The following SGIP1 variants were observed in gnomAD, a reference collection of about 807,000 sequenced individuals.
SGIP1 encodes the protein SH3GL interacting endocytic adaptor 1.
A neutral mutation model predicts 107.5 loss-of-function variants in SGIP1; 38 were observed. The ratio of observed to expected loss-of-function variants is 0.35; its 90% CI spans 0.27 to 0.46. The LOEUF (loss-of-function observed/expected upper bound fraction) is 0.46. Among genes scored for constraint, SGIP1 ranks in the 20% least tolerant of loss-of-function variants. The pLI, the probability that SGIP1 is intolerant of heterozygous loss-of-function variation, is 1.00. For missense variants in SGIP1, 929 were observed against 1,019.5 expected (o/e 0.91, Z 1.21); for synonymous variants, 365 against 366.1 (o/e 1.00, Z 0.03).
chr1:66,534,475 C>T (rs2147918921), intron 1 of SGIP1, 107 bp downstream of exon 1: 2 of 1,323,442 alleles, frequency 1.5e-6, no homozygotes, highest in Non-Finnish European at 2.2e-6. Flanking sequence ...AACCTGGTTG[C>T]CAATGTTTTG....
At chr1:66,587,724 G>A (rs1408457957) in intron 1 of SGIP1, among the ~76,000 whole-genome samples, 2 of 151,980 alleles carry the variant, frequency 1.3e-5, no homozygotes, top group Non-Finnish European at 2.9e-5. Flanking sequence ...TCTGATAGTG[G>A]AACAAAGATC....
intron 18 of SGIP1, among the ~76,000 whole-genome samples, chr1:66,712,887 C>T (rs927506145): frequency 1.3e-5 from 2 of 152,180 alleles, no homozygotes; most frequent in African/African-American, 4.8e-5. Context: ...TGCCCTCTTC[C>T]ATTCCTCAGA....
At chr1:66,577,756 C>CTGTGTG (rs6143251) in intron 1 of SGIP1, among the ~76,000 whole-genome samples, 8,432 of 144,896 alleles carry the variant, frequency 0.058, 239 homozygotes, top group Middle Eastern at 0.071. Context: ...TAATGCAGTC[C>CTGTGTG]TGTGTGTGTG....
chr1:66,627,639 T>C (rs942383155), intron 2 of SGIP1, among the ~76,000 whole-genome samples: 2 of 152,218 alleles, frequency 1.3e-5, no homozygotes, highest in Non-Finnish European at 2.9e-5. Context: ...TTTGTAACTA[T>C]TTATTTCAAG....
intron 1 of SGIP1, among the ~76,000 whole-genome samples, chr1:66,598,029 T>A (rs2065050970): frequency 6.6e-6 from 1 of 151,986 alleles, no homozygotes. Context: ...TGGAGAAAAA[T>A]GAGTTCTCCT....
chr1:66,629,590 G>C (rs887758276), intron 2 of SGIP1, among the ~76,000 whole-genome samples: 3 of 151,922 alleles, frequency 2.0e-5, no homozygotes, highest in African/African-American at 7.3e-5. Flanking sequence ...AAAAAAGACA[G>C]TAGTTACAAA....
At chr1:66,660,674 A>C in intron 8 of SGIP1, 150 bp downstream of exon 8, 2 of 768,478 alleles carry the variant, frequency 2.6e-6, no homozygotes, top group Non-Finnish European at 4.4e-6. Flanking sequence ...ACCAGGTCTC[A>C]TTATGCCACA....
At chr1:66,552,349 G>T (rs2057542450) in intron 1 of SGIP1, among the ~76,000 whole-genome samples, 1 of 152,164 alleles carries the variant, frequency 6.6e-6, no homozygotes, top group Admixed American at 6.5e-5. Flanking sequence ...CTGGGGCTAT[G>T]CTACCCTTGA....
intron 1 of SGIP1, among the ~76,000 whole-genome samples, chr1:66,591,889 C>A (rs770378534): frequency 6.6e-6 from 1 of 152,142 alleles, no homozygotes; most frequent in African/African-American, 2.4e-5. Flanking sequence ...TCCATGGGCA[C>A]GTAGGCCAGA....
At chr1:66,720,587 C>T (rs542493123) in intron 19 of SGIP1, among the ~76,000 whole-genome samples, 1 of 152,034 alleles carries the variant, frequency 6.6e-6, no homozygotes, top group South Asian at 2.1e-4. Flanking sequence ...ATTGGCTGAG[C>T]GGGTGGTGCA....
At chr1:66,563,672 T>C (rs931541880) in intron 1 of SGIP1, among the ~76,000 whole-genome samples, 10 of 152,006 alleles carry the variant, frequency 6.6e-5, no homozygotes, top group Non-Finnish European at 1.3e-4. Context: ...CTCCCAGCAG[T>C]GCTAAAGGGG....
intron 3 of SGIP1, among the ~76,000 whole-genome samples, chr1:66,635,516 G>T (rs1210366772): frequency 1.3e-5 from 2 of 152,210 alleles, no homozygotes; most frequent in Admixed American, 1.3e-4. Flanking sequence ...TGTGCTGTAT[G>T]TATTTGTGAC....
rs1344319425 is a variant in SGIP1 at position 66,748,455 on chromosome 1, C to T, written c.*5360C>T. ...GACCATGGTGAACCTCTTGATTGGC[C>T]CTCACATTTAATATCTGATTTCTCT... On this transcript the variant is annotated 3_prime_UTR_variant, in exon 25 of 25. Coordinates refer to ENST00000371037, the MANE Select transcript of SGIP1 (RefSeq NM_032291.4). Among the ~76,000 whole-genome samples, 2 of 151,762 alleles carry T rather than the reference C, an allele frequency of 1.3e-5. No homozygotes were observed. The highest frequency in any genetic ancestry group is 4.8e-5 in the African/African-American group (2 of 41,386).
At chr1:66,601,796 C>T (rs893330528) in intron 1 of SGIP1, among the ~76,000 whole-genome samples, 1 of 152,146 alleles carries the variant, frequency 6.6e-6, no homozygotes, top group African/African-American at 2.4e-5. Flanking sequence ...CATTCAATTT[C>T]ATTTTTAGAA....
At chr1:66,690,385 C>G in intron 17 of SGIP1, 69 bp downstream of exon 17, 2 of 1,584,878 alleles carry the variant, frequency 1.3e-6, no homozygotes, top group Admixed American at 1.7e-5. Context: ...ATCTGAAATC[C>G]CCAAGGCCCT....
At chr1:66,739,946 G>C in intron 22 of SGIP1, among the ~76,000 whole-genome samples, 1 of 152,210 alleles carries the variant, frequency 6.6e-6, no homozygotes, top group Middle Eastern at 3.2e-3. Flanking sequence ...CTAGAGGCTA[G>C]AGTGGACTCC....
intron 2 of SGIP1, among the ~76,000 whole-genome samples, chr1:66,632,565 G>A (rs1265081960): frequency 6.6e-6 from 1 of 152,192 alleles, no homozygotes; most frequent in Non-Finnish European, 1.5e-5. Flanking sequence ...CTGGAGCCCA[G>A]CAGTTCAAGG....
chr1:66,588,385 A>C (rs1341256826), intron 1 of SGIP1, among the ~76,000 whole-genome samples: 1 of 152,080 alleles, frequency 6.6e-6, no homozygotes, highest in Non-Finnish European at 1.5e-5. Flanking sequence ...CAAAACAAAA[A>C]AATATTAGAA....
At chr1:66,636,267 G>T (rs2075758242) in intron 4 of SGIP1, among the ~76,000 whole-genome samples, 1 of 152,116 alleles carries the variant, frequency 6.6e-6, no homozygotes, top group South Asian at 2.1e-4. Context: ...CTGTTTCATC[G>T]ACAAAGGACA....
Sources: gnomAD v4.1 joint callset for allele counts (sites outside exome capture counted in the v4.1 genomes callset) on GRCh38, gnomAD v4.1.1 for gene constraint, MANE v1.5 for transcripts, NCBI Gene and HGNC (gene_info 2026-07-23, HGNC 2026-07-21) for gene names.